The following AFF2 variants were observed in gnomAD, a reference collection of about 807,000 sequenced individuals.
AFF2 encodes the protein AF4/FMR2 family member 2.
Under a neutral mutation model 76.9 loss-of-function variants are expected in AFF2, and 14 were observed. The observed-to-expected ratio is 0.18, with a 90% CI of 0.12 to 0.28. AFF2 has a LOEUF of 0.28. Ranked by LOEUF, AFF2 falls within the 10% of genes least tolerant of loss-of-function variation. The probability of loss-of-function intolerance (pLI) is 1.00; values close to 1 mark genes in which losing one functional copy is unlikely to be tolerated. For missense variants in AFF2, 868 were observed against 1,001.1 expected, an observed-to-expected ratio of 0.87 and a Z score of 1.79; for synonymous variants, 398 against 366.7, an observed-to-expected ratio of 1.09 and a Z score of -0.98.
chrX:148,526,080 A>C (rs937831569), intron 1 of AFF2, among the ~76,000 whole-genome samples: 9 of 111,827 alleles, frequency 8.0e-5, no homozygotes, highest in African/African-American at 2.9e-4. Flanking sequence ...TTCCGTGAGC[A>C]AGAAGATCAG....
At chrX:148,738,022 G>A (rs898198307) in intron 3 of AFF2, among the ~76,000 whole-genome samples, 2 of 111,435 alleles carry the variant, frequency 1.8e-5, no homozygotes, top group Non-Finnish European at 3.8e-5. Context: ...CGGTTAGCTA[G>A]TGTTTTGTTA....
intron 3 of AFF2, among the ~76,000 whole-genome samples, chrX:148,731,298 T>C (rs1029104055): frequency 2.7e-5 from 3 of 111,936 alleles, no homozygotes; most frequent in Non-Finnish European, 5.6e-5. Flanking sequence ...TTTATCTAAA[T>C]GAGTTGCTTT....
intron 1 of AFF2, among the ~76,000 whole-genome samples, chrX:148,634,049 C>T (rs1384996205): frequency 5.4e-5 from 6 of 111,657 alleles, no homozygotes; most frequent in African/African-American, 1.6e-4. Flanking sequence ...ACTTCCTTTT[C>T]GTGTACCTGA....
At chrX:148,578,158 T>C (rs2053313303) in intron 1 of AFF2, among the ~76,000 whole-genome samples, 1 of 112,119 alleles carries the variant, frequency 8.9e-6, no homozygotes, top group Admixed American at 9.5e-5. Context: ...TTGCTTGTGC[T>C]TTTAGGTTTT....
intron 9 of AFF2, among the ~76,000 whole-genome samples, chrX:148,927,602 A>G (rs782383389): frequency 9.0e-6 from 1 of 111,151 alleles, no homozygotes; most frequent in Non-Finnish European, 1.9e-5. Flanking sequence ...GTTAAAGGGA[A>G]GGGTCCTCCA....
At chrX:148,596,418 A>G (rs2053572577) in intron 1 of AFF2, among the ~76,000 whole-genome samples, 3 of 111,885 alleles carry the variant, frequency 2.7e-5, no homozygotes. Context: ...AAGCTGCACA[A>G]AGACCCTTTC....
intron 1 of AFF2, among the ~76,000 whole-genome samples, chrX:148,629,542 T>C: frequency 8.9e-6 from 1 of 111,850 alleles, no homozygotes. Flanking sequence ...GTTTGATGAG[T>C]GAGACACAGA....
chrX:148,711,614 T>C (rs1305897679), intron 3 of AFF2, among the ~76,000 whole-genome samples: 1 of 112,356 alleles, frequency 8.9e-6, no homozygotes, highest in African/African-American at 3.2e-5. Context: ...TGGTTAAAAT[T>C]GAGGCATCTC....
At chrX:148,799,945 T>C (rs1382675403) in intron 3 of AFF2, among the ~76,000 whole-genome samples, 1 of 111,684 alleles carries the variant, frequency 9.0e-6, no homozygotes, top group Non-Finnish European at 1.9e-5. Context: ...ATTAATGAGA[T>C]TTATAAATCT....
At chrX:148,653,584 A>G (rs1177006000) in intron 2 of AFF2, among the ~76,000 whole-genome samples, 1 of 112,182 alleles carries the variant, frequency 8.9e-6, no homozygotes, top group African/African-American at 3.2e-5. Context: ...TGGCCAGGAA[A>G]AATGAACAGT....
intron 1 of AFF2, among the ~76,000 whole-genome samples, chrX:148,585,057 T>C (rs1358826090): frequency 8.9e-6 from 1 of 112,226 alleles, no homozygotes; most frequent in Non-Finnish European, 1.9e-5. Flanking sequence ...GGATTGTCCC[T>C]GCTTCCAAGG....
intron 3 of AFF2, chrX:148,719,071 C>A (rs942437989): frequency 2.8e-6 from 3 of 1,069,385 alleles, no homozygotes; most frequent in African/African-American, 3.7e-5. Context: ...AGTTTTGGGG[C>A]AGTCTGGGAT....
chrX:148,884,313 A>G (rs2071131574), intron 7 of AFF2, among the ~76,000 whole-genome samples: 1 of 112,216 alleles, frequency 8.9e-6, no homozygotes, highest in Non-Finnish European at 1.9e-5. Flanking sequence ...TGGTTTGCCG[A>G]CCTCAGTGTA....
chrX:148,538,278 T>G (rs1297433273), intron 1 of AFF2, among the ~76,000 whole-genome samples: 4 of 112,153 alleles, frequency 3.6e-5, no homozygotes, highest in Non-Finnish European at 5.6e-5. Flanking sequence ...AGCATTAGAG[T>G]CACTGGACTG....
chrX:148,588,049 C>T (rs2053485949), intron 1 of AFF2, among the ~76,000 whole-genome samples: 1 of 111,965 alleles, frequency 8.9e-6, no homozygotes, highest in African/African-American at 3.3e-5. Context: ...AGTCTTGGTC[C>T]CTTCAATGCC....
At chrX:148,870,621 G>A (rs1557277256) in intron 7 of AFF2, among the ~76,000 whole-genome samples, 1 of 112,252 alleles carries the variant, frequency 8.9e-6, no homozygotes, top group African/African-American at 3.2e-5. Flanking sequence ...GAAGGTGGCT[G>A]TTGTGAAGCT....
chrX:148,579,180 G>A (rs1325030962), intron 1 of AFF2, among the ~76,000 whole-genome samples: 1 of 111,931 alleles, frequency 8.9e-6, no homozygotes, highest in Non-Finnish European at 1.9e-5. Context: ...ATAGTAATTT[G>A]GAATAAAAGC....
chrX:148,964,058 C>T (rs1195782658), intron 13 of AFF2, among the ~76,000 whole-genome samples: 1 of 111,935 alleles, frequency 8.9e-6, no homozygotes, highest in Non-Finnish European at 1.9e-5. Flanking sequence ...ATACATTTCA[C>T]ATTTGGCTTT....
In AFF2 at chrX:148,589,096, T is replaced by C. The variant is rs1037138708; in HGVS notation, c.48-62903T>C. Among the ~76,000 whole-genome samples, 4 of 110,279 alleles carry C rather than the reference T, an allele frequency of 3.6e-5. No homozygotes were observed. In the Admixed American group the frequency reaches 3.9e-4, roughly 11 times the overall value. ...TCAAATTGGCAGGCTTTGAGAACTTTCCTCTTTCAGCATAAGGAGGGAGGG... is the reference window on the plus strand; with the variant it reads ...TCAAATTGGCAGGCTTTGAGAACTTCCCTCTTTCAGCATAAGGAGGGAGGG... On this transcript the variant is annotated intron_variant, in intron 1 of 20. Transcript: ENST00000370460.
Sources: allele counts gnomAD v4.1 joint callset (sites outside exome capture counted in the v4.1 genomes callset), GRCh38; gene constraint gnomAD v4.1.1; transcripts MANE v1.5; gene names NCBI Gene and HGNC (gene_info 2026-07-23, HGNC 2026-07-21).